Variants in CCDC12 observed in about 807,000 individuals in gnomAD.
The protein encoded by CCDC12 is coiled-coil domain-containing protein 12.
Under a neutral mutation model 25.7 loss-of-function variants are expected in CCDC12, and 28 were observed. That is an observed-to-expected ratio of 1.09 (90% CI 0.81 to 1.50). The LOEUF (loss-of-function observed/expected upper bound fraction) is 1.50. Ranked by LOEUF, CCDC12 falls within the 40% of genes most tolerant of loss-of-function variation. The pLI is 0.00. For missense variants in CCDC12, 198 were observed against 210.0 expected (o/e 0.94, Z 0.35); for synonymous variants, 75 against 87.7 (o/e 0.86, Z 0.81).
intron 1 of CCDC12, among the ~76,000 whole-genome samples, chr3:46,956,444 A>G (rs2107171630): frequency 6.6e-6 from 1 of 152,340 alleles, no homozygotes; most frequent in Middle Eastern, 3.4e-3. Flanking sequence ...GCATGAGGCC[A>G]CACTCAGCTG....
At chr3:46,963,160 C>T (rs1243371637) in intron 1 of CCDC12, among the ~76,000 whole-genome samples, 1 of 152,126 alleles carries the variant, frequency 6.6e-6, no homozygotes, top group Non-Finnish European at 1.5e-5. Context: ...GAGTGGTTCC[C>T]CTTGAAGAGT....
At chr3:46,977,953 C>T (rs558311053), upstream of CCDC12, among the ~76,000 whole-genome samples, 33 of 152,356 alleles carry the variant, frequency 2.2e-4, no homozygotes, top group Non-Finnish European at 3.8e-4. Context: ...TCAAGATATT[C>T]TTTCAGTATG....
At chr3:46,978,711 C>T (rs1005870310), upstream of CCDC12, among the ~76,000 whole-genome samples, 1 of 152,096 alleles carries the variant, frequency 6.6e-6, no homozygotes, top group East Asian at 1.9e-4. Context: ...CGGCCGGGTG[C>T]GGTGGCTCAT....
chr3:46,969,786 C>T (rs2034748328), intron 1 of CCDC12, among the ~76,000 whole-genome samples: 2 of 152,156 alleles, frequency 1.3e-5, no homozygotes, highest in African/African-American at 4.8e-5. Flanking sequence ...TCTTGTAAGT[C>T]AGGCTGAAGG....
chr3:46,927,232 C>T (rs940881271), intron 2 of CCDC12, among the ~76,000 whole-genome samples: 1 of 152,192 alleles, frequency 6.6e-6, no homozygotes, highest in South Asian at 2.1e-4. Flanking sequence ...TCCTTGAACA[C>T]CTGCCTCGGG....
intron 3 of CCDC12, 65 bp from the exon 4 acceptor site, chr3:46,923,733 C>T (rs2032811875): frequency 1.8e-5 from 23 of 1,312,832 alleles, no homozygotes; most frequent in Non-Finnish European, 2.2e-5. Flanking sequence ...AGGGACACTG[C>T]CTACCGTGGC....
chr3:46,958,119 T>C (rs989626749), intron 1 of CCDC12, among the ~76,000 whole-genome samples: 6 of 151,986 alleles, frequency 3.9e-5, no homozygotes, highest in Admixed American at 1.3e-4. Context: ...AACGAAGAAT[T>C]CTTAACAGGA....
At chr3:46,954,647 G>A (rs553712279) in intron 1 of CCDC12, among the ~76,000 whole-genome samples, 21 of 152,278 alleles carry the variant, frequency 1.4e-4, no homozygotes, top group South Asian at 2.1e-4. Flanking sequence ...TATTTCCACC[G>A]GGCACGGTGG....
intron 2 of CCDC12, chr3:46,940,685 C>A: frequency 2.9e-6 from 1 of 346,462 alleles, no homozygotes. Context: ...GGGGCACTTA[C>A]TCAGTAGGCA....
At position 46,923,547 on chromosome 3, in the gene CCDC12, G is replaced by C. The variant is rs752211737; in HGVS notation, c.306+60C>G. 5.8e-6 allele frequency: 9 copies of C among 1,547,392 alleles called. No individual in the cohort carries two copies. The African/African-American group carries it at 8.1e-5, about 14-fold the overall frequency. On this transcript the variant is annotated intron_variant, in intron 4 of 6. Coordinates refer to ENST00000683445, the MANE Select transcript of CCDC12 (RefSeq NM_001277074.2). ...AATGGGGGGCAGAGGGAGAGCAAGTGGCGAAGAGAAACAGGACACACAGAA... is the reference window on the plus strand; with the variant it reads ...AATGGGGGGCAGAGGGAGAGCAAGTCGCGAAGAGAAACAGGACACACAGAA...
chr3:46,957,996 CAT>C (rs1553650352), intron 1 of CCDC12, among the ~76,000 whole-genome samples: 154 of 142,684 alleles, frequency 1.1e-3, no homozygotes, highest in Middle Eastern at 7.0e-3. Context: ...CACACACACA[CAT>C]ATATATGTAA....
intron 1 of CCDC12, among the ~76,000 whole-genome samples, chr3:46,960,931 G>C (rs2034443950): frequency 6.6e-6 from 1 of 152,072 alleles, no homozygotes; most frequent in Non-Finnish European, 1.5e-5. Context: ...GGTGTAAAGG[G>C]GTTGGGGTTT....
chr3:46,929,424 C>G lies in CCDC12; in HGVS notation c.165-3889G>C, dbSNP rs147699562. 7.6e-3 allele frequency among the ~76,000 whole-genome samples: 1,157 copies of G among 152,328 alleles called. 16 individuals are homozygous for G. Among genetic ancestry groups the G allele is most frequent in the African/African-American group, 0.027 (1,108 of 41,568 alleles). ...CCCATAGCCTTACAGTGTCCGGGGC[C>G]ACCACAGCTCTTGGAGACTGGGCAG... On this transcript the variant is annotated intron_variant, in intron 2 of 6. Coordinates refer to ENST00000683445, the MANE Select transcript of CCDC12 (RefSeq NM_001277074.2).
intron 1 of CCDC12, among the ~76,000 whole-genome samples, chr3:46,956,640 G>A (rs995964322): frequency 3.3e-5 from 5 of 152,122 alleles, no homozygotes; most frequent in African/African-American, 1.2e-4. Context: ...TGGGAAACAT[G>A]GTGAAACCCT....
intron 2 of CCDC12, among the ~76,000 whole-genome samples, chr3:46,937,599 A>C (rs749817721): frequency 6.6e-6 from 1 of 152,220 alleles, no homozygotes; most frequent in Non-Finnish European, 1.5e-5. Flanking sequence ...AGGCTGTAGC[A>C]GGGGCTATGG....
At chr3:46,972,638 C>T (rs759609608) in intron 1 of CCDC12, among the ~76,000 whole-genome samples, 4 of 151,622 alleles carry the variant, frequency 2.6e-5, no homozygotes, top group Non-Finnish European at 4.4e-5. Context: ...ATTAAAAAAA[C>T]GAAAAAAGAA....
intron 1 of CCDC12, among the ~76,000 whole-genome samples, chr3:46,944,733 T>C (rs1359496398): frequency 1.3e-5 from 2 of 152,030 alleles, no homozygotes; most frequent in African/African-American, 4.8e-5. Context: ...TCCTGCATTT[T>C]TCCCTCTCTT....
intron 2 of CCDC12, among the ~76,000 whole-genome samples, chr3:46,936,147 T>C (rs1019512662): frequency 6.6e-6 from 1 of 152,196 alleles, no homozygotes; most frequent in African/African-American, 2.4e-5. Context: ...CCCTACAGTG[T>C]ATCTGGTTAG....
intron 1 of CCDC12, among the ~76,000 whole-genome samples, chr3:46,960,696 C>T (rs2034437237): frequency 6.6e-6 from 1 of 152,172 alleles, no homozygotes; most frequent in African/African-American, 2.4e-5. Context: ...AAGCCAGGGC[C>T]CCAGAATTTA....
Sources: gnomAD v4.1 joint callset for allele counts (sites outside exome capture counted in the v4.1 genomes callset) on GRCh38, gnomAD v4.1.1 for gene constraint, MANE v1.5 for transcripts, NCBI Gene and HGNC (gene_info 2026-07-23, HGNC 2026-07-21) for gene names.